The following COL11A1 variants were observed in gnomAD, a reference collection of about 807,000 sequenced individuals.
The protein encoded by COL11A1 is collagen alpha-1(XI) chain.
In COL11A1, 74 loss-of-function variants were observed where a neutral mutation model predicts 265.2. That is an observed-to-expected ratio of 0.28 (90% CI 0.23 to 0.34). COL11A1 has a LOEUF of 0.34. COL11A1 is among the 10% of genes least tolerant of loss of function. COL11A1 has a pLI of 1.00. For synonymous variants in COL11A1, 816 were observed against 727.6 expected, an observed-to-expected ratio of 1.12 and a Z score of -1.96; for missense variants, 2,165 against 2,263.6, an observed-to-expected ratio of 0.96 and a Z score of 0.88.
At chr1:102,897,301 T>G (rs1652549019) in intron 57 of COL11A1, among the ~76,000 whole-genome samples, 1 of 151,958 alleles carries the variant, frequency 6.6e-6, no homozygotes, top group African/African-American at 2.4e-5. Context: ...TGAATAAATT[T>G]TAAAATACCA....
At position 102,943,232 on chromosome 1, in the gene COL11A1, C is replaced by CA. The variant is rs1310517261; in HGVS notation, c.3277-2799dup. 2.6e-5 allele frequency among the ~76,000 whole-genome samples: 4 copies of CA among 152,018 alleles called. No homozygotes were observed. In the East Asian group the frequency reaches 7.7e-4, roughly 29 times the overall value. On this transcript the variant is annotated intron_variant, in intron 42 of 66. Coordinates refer to ENST00000370096, the MANE Select transcript of COL11A1 (RefSeq NM_001854.4). ...TCCATGCCCTGCTTGAGGTGATTTACATGTCCCTACTCCACTCCTCTATAG... is the reference window on the plus strand; with the variant it reads ...TCCATGCCCTGCTTGAGGTGATTTACAATGTCCCTACTCCACTCCTCTATAG...
chr1:102,904,861 C>A (rs1434343803), intron 54 of COL11A1, among the ~76,000 whole-genome samples: 6 of 152,024 alleles, frequency 3.9e-5, no homozygotes, highest in African/African-American at 7.2e-5. Flanking sequence ...TTGACCCAGC[C>A]ATCCCATTAC....
chr1:103,007,981 A>C (rs11164655), intron 15 of COL11A1, among the ~76,000 whole-genome samples: 2 of 151,608 alleles, frequency 1.3e-5, no homozygotes, highest in Non-Finnish European at 2.9e-5. Context: ...AACAGTACAA[A>C]TTTTTTTTTA....
rs544289862 is a variant in COL11A1 at position 103,022,956 on chromosome 1, G to A, written c.1031C>T (p.Thr344Met). ...CCTCTGGGAATCATAATCCTCTCCC[G>A]TTAGATATTCTTCAGTAAATATTTC... The part of the protein sequence containing the change: ...VEEIFTEEYL[T>M]GEDYDSQRKN... Residue 344 changes from threonine (T) to methionine (M), a missense_variant, in exon 8 of 67, where the codon ACG becomes ATG. Transcript: ENST00000370096. 4.7e-5 allele frequency: 75 copies of A among 1,612,846 alleles called. No individual in the cohort carries two copies. Among genetic ancestry groups the A allele is most frequent in the Non-Finnish European group, 5.7e-5 (67 of 1,179,346 alleles).
intron 66 of COL11A1, among the ~76,000 whole-genome samples, chr1:102,878,625 C>T (rs1284437853): frequency 6.6e-6 from 1 of 150,594 alleles, no homozygotes; most frequent in African/African-American, 2.4e-5. Context: ...ATTCTCCTGC[C>T]TCAGTCTCCT....
chr1:103,086,549 T>C (rs994231378), intron 1 of COL11A1, among the ~76,000 whole-genome samples: 2 of 152,136 alleles, frequency 1.3e-5, no homozygotes, highest in Non-Finnish European at 2.9e-5. Flanking sequence ...CCTGAGTAGC[T>C]GGGACTCCAG....
chr1:103,022,452 T>G (rs1201172891), intron 8 of COL11A1, among the ~76,000 whole-genome samples: 1 of 152,160 alleles, frequency 6.6e-6, no homozygotes, highest in Non-Finnish European at 1.5e-5. Flanking sequence ...GACTTGCTAC[T>G]TGGAATAAAA....
At chr1:103,078,582 A>G (rs1672158228) in intron 3 of COL11A1, 76 bp downstream of exon 3, 1 of 1,404,620 alleles carries the variant, frequency 7.1e-7, no homozygotes, top group African/African-American at 1.4e-5. Context: ...ATCACACTTC[A>G]TAAATATTTG....
intron 4 of COL11A1, among the ~76,000 whole-genome samples, chr1:103,034,339 G>A (rs907698700): frequency 6.6e-6 from 1 of 151,764 alleles, no homozygotes; most frequent in African/African-American, 2.4e-5. Context: ...TGGAATGTTC[G>A]GTGGTGTCCC....
chr1:103,004,682 A>G (rs1218076927), intron 18 of COL11A1, 21 bp from the exon 19 acceptor site: 2 of 1,594,056 alleles, frequency 1.3e-6, no homozygotes, highest in African/African-American at 2.7e-5. Flanking sequence ...AATACAAATA[A>G]GATTAGCATA....
rs903530388 is a variant in COL11A1, at chr1:102,877,515, A to G, written c.*504T>C. The G allele has an allele frequency of 1.3e-5, 2 of 152,990 alleles. No individual in the cohort carries two copies. Among genetic ancestry groups the G allele is most frequent in the African/African-American group, 4.8e-5 (2 of 41,440 alleles). The allele number at this position is 152,990 out of a possible 1,614,324, so 9.5% of individuals were successfully genotyped here. Reference sequence around the variant, plus strand: ...GAAATTACAACTTTATTTTTTCATAATACATATATTTATTGCCATCAGAGT... The same window carrying G: ...GAAATTACAACTTTATTTTTTCATAGTACATATATTTATTGCCATCAGAGT... On this transcript the variant is annotated 3_prime_UTR_variant, in exon 67 of 67. Transcript: ENST00000370096.
intron 15 of COL11A1, among the ~76,000 whole-genome samples, chr1:103,008,186 AT>A (rs1665799291): frequency 6.6e-6 from 1 of 152,164 alleles, no homozygotes; most frequent in African/African-American, 2.4e-5. Flanking sequence ...ATATAGTCTA[AT>A]ATCAGTATTT....
intron 63 of COL11A1, 137 bp downstream of exon 63, chr1:102,886,670 G>A (rs1570628783): frequency 9.5e-6 from 12 of 1,258,118 alleles, no homozygotes; most frequent in Non-Finnish European, 1.3e-5. Flanking sequence ...GATTTTTTCT[G>A]TCTAGAAGAT....
At chr1:103,046,048 T>C (rs936510290) in intron 4 of COL11A1, among the ~76,000 whole-genome samples, 1 of 151,610 alleles carries the variant, frequency 6.6e-6, no homozygotes, top group Non-Finnish European at 1.5e-5. Flanking sequence ...TTCCAAGTCT[T>C]TGCTATTTTG....
chr1:102,987,223 T>G (rs768665788), intron 30 of COL11A1, among the ~76,000 whole-genome samples: 1 of 148,680 alleles, frequency 6.7e-6, no homozygotes, highest in Non-Finnish European at 1.5e-5. Context: ...TTAACAGAAT[T>G]CCCTATTTAA....
chr1:102,958,682 T>C (rs997967510), intron 41 of COL11A1, among the ~76,000 whole-genome samples: 1 of 152,224 alleles, frequency 6.6e-6, no homozygotes, highest in African/African-American at 2.4e-5. Flanking sequence ...TTTTAATTGG[T>C]TGATGTTTGC....
chr1:102,880,017 T>C (rs977187999), intron 65 of COL11A1, 101 bp from the exon 66 acceptor site: 2 of 812,326 alleles, frequency 2.5e-6, no homozygotes, highest in South Asian at 1.5e-5. Context: ...GCCAGAAGCA[T>C]GTAGATGAAT....
intron 31 of COL11A1, 78 bp from the exon 32 acceptor site, chr1:102,979,513 A>T: frequency 4.1e-6 from 4 of 979,720 alleles, no homozygotes; most frequent in Non-Finnish European, 4.9e-6. Context: ...ATTTTGGAAC[A>T]GAGTGATTTT....
chr1:102,878,489 T>TATAC (rs1236142915), intron 66 of COL11A1, among the ~76,000 whole-genome samples: 1 of 100,198 alleles, frequency 1.0e-5, no homozygotes, highest in Non-Finnish European at 2.0e-5. Context: ...TATATATATA[T>TATAC]ATATATATAT....
Sources: allele counts gnomAD v4.1 joint callset (sites outside exome capture counted in the v4.1 genomes callset), GRCh38; gene constraint gnomAD v4.1.1; transcripts MANE v1.5; gene names NCBI Gene and HGNC (gene_info 2026-07-23, HGNC 2026-07-21).